DLG2: variants seen among roughly 807,000 people sequenced by gnomAD.
The protein encoded by DLG2 is disks large homolog 2.
DLG2 carries 45 observed loss-of-function variants against 132.5 expected under a neutral mutation model. The observed-to-expected ratio is 0.34, with a 90% CI of 0.27 to 0.44. The LOEUF (loss-of-function observed/expected upper bound fraction) is 0.44. Ranked by LOEUF, DLG2 falls within the 20% of genes least tolerant of loss-of-function variation. The probability of loss-of-function intolerance (pLI) is 1.00; values close to 1 mark genes in which losing one functional copy is unlikely to be tolerated. For missense variants in DLG2, 1,045 were observed against 1,196.9 expected, an observed-to-expected ratio of 0.87 and a Z score of 1.87; for synonymous variants, 424 against 419.6, an observed-to-expected ratio of 1.01 and a Z score of -0.13.
chr11:84,486,591 T>G (rs1317726899), intron 7 of DLG2, among the ~76,000 whole-genome samples: 3 of 151,960 alleles, frequency 2.0e-5, no homozygotes, highest in Admixed American at 1.3e-4. Context: ...TGTGAAAATC[T>G]GCCTCAAATG....
intron 5 of DLG2, among the ~76,000 whole-genome samples, chr11:85,146,962 G>A (rs150485557): frequency 7.0e-4 from 107 of 152,294 alleles, no homozygotes; most frequent in African/African-American, 2.4e-3. Flanking sequence ...TGTGGACACC[G>A]GTGGAATTTT....
At chr11:84,918,762 T>A (rs2154082310) in intron 6 of DLG2, among the ~76,000 whole-genome samples, 1 of 152,282 alleles carries the variant, frequency 6.6e-6, no homozygotes, top group Non-Finnish European at 1.5e-5. Flanking sequence ...CCTATATGAC[T>A]TCAAAGGCTA....
chr11:84,328,994 T>TC (rs2098446391), intron 7 of DLG2, among the ~76,000 whole-genome samples: 1 of 152,226 alleles, frequency 6.6e-6, no homozygotes, highest in Non-Finnish European at 1.5e-5. Context: ...CAGGTAGAAT[T>TC]CTTGCAGGGC....
At chr11:84,728,485 G>T (rs1345797901) in intron 6 of DLG2, among the ~76,000 whole-genome samples, 1 of 152,062 alleles carries the variant, frequency 6.6e-6, no homozygotes, top group Admixed American at 6.6e-5. Context: ...TGCTGGATTT[G>T]GTTTGCCAGT....
At chr11:84,783,415 T>C (rs2072194211) in intron 6 of DLG2, among the ~76,000 whole-genome samples, 1 of 152,204 alleles carries the variant, frequency 6.6e-6, no homozygotes, top group Non-Finnish European at 1.5e-5. Flanking sequence ...ATCCTTGATC[T>C]TTCTGTGTTC....
At chr11:84,036,011 T>G (rs1372121801) in intron 11 of DLG2, among the ~76,000 whole-genome samples, 2 of 152,162 alleles carry the variant, frequency 1.3e-5, no homozygotes, top group African/African-American at 2.4e-5. Context: ...TTGTATACAT[T>G]AATCTTAAAA....
chr11:84,568,431 C>A (rs960682843), intron 6 of DLG2, among the ~76,000 whole-genome samples: 3 of 152,166 alleles, frequency 2.0e-5, no homozygotes, highest in African/African-American at 7.2e-5. Context: ...TACTTGAACC[C>A]TGGAGGTGGA....
intron 7 of DLG2, among the ~76,000 whole-genome samples, chr11:84,339,442 A>G (rs1184319943): frequency 6.6e-6 from 1 of 152,176 alleles, no homozygotes; most frequent in East Asian, 1.9e-4. Context: ...GATGCAGTGG[A>G]TATTCAACAA....
chr11:84,767,228 CTTATA>C (rs1423722385), intron 6 of DLG2, among the ~76,000 whole-genome samples: 2 of 151,794 alleles, frequency 1.3e-5, no homozygotes, highest in East Asian at 1.9e-4. Context: ...TTAACTGTAT[CTTATA>C]TTAGAATACT....
At chr11:83,598,141 T>C (rs893886016) in intron 19 of DLG2, among the ~76,000 whole-genome samples, 11 of 152,352 alleles carry the variant, frequency 7.2e-5, no homozygotes, top group Non-Finnish European at 1.5e-4. Flanking sequence ...ATATGTGTTT[T>C]GCATGGGCAA....
At chr11:85,598,211 T>A (rs1292523675) in intron 3 of DLG2, among the ~76,000 whole-genome samples, 1 of 152,028 alleles carries the variant, frequency 6.6e-6, no homozygotes, top group Non-Finnish European at 1.5e-5. Flanking sequence ...TGAAAAGATG[T>A]TTTTATTTTT....
At chr11:84,066,541 C>A (rs1454470973) in intron 10 of DLG2, among the ~76,000 whole-genome samples, 1 of 152,138 alleles carries the variant, frequency 6.6e-6, no homozygotes, top group Non-Finnish European at 1.5e-5. Flanking sequence ...GGGTGGATCA[C>A]CTGAGGTCAG....
intron 22 of DLG2, chr11:83,480,733 T>G: frequency 1.0e-6 from 1 of 989,874 alleles, no homozygotes; most frequent in Non-Finnish European, 1.5e-6. Context: ...ACTTTCAAGA[T>G]TTATGTGACA....
At chr11:85,047,760 A>T (rs1215997254) in intron 6 of DLG2, among the ~76,000 whole-genome samples, 1 of 151,948 alleles carries the variant, frequency 6.6e-6, no homozygotes, top group Non-Finnish European at 1.5e-5. Context: ...GTAGGAAAAA[A>T]ACTAAATAAA....
intron 6 of DLG2, among the ~76,000 whole-genome samples, chr11:85,009,800 G>T (rs2058997147): frequency 6.6e-6 from 1 of 152,000 alleles, no homozygotes; most frequent in Non-Finnish European, 1.5e-5. Context: ...GCAGCAATTA[G>T]AGTTTACATA....
At chr11:85,392,248 G>A (rs772706115) in intron 3 of DLG2, among the ~76,000 whole-genome samples, 4 of 151,856 alleles carry the variant, frequency 2.6e-5, no homozygotes, top group Non-Finnish European at 4.4e-5. Flanking sequence ...AAAGACCTCT[G>A]CAAGGAAAAC....
At chr11:85,388,741 G>A (rs1176565523) in intron 3 of DLG2, among the ~76,000 whole-genome samples, 5 of 152,106 alleles carry the variant, frequency 3.3e-5, no homozygotes, top group Non-Finnish European at 7.3e-5. Context: ...AGATCCAGAG[G>A]AGAAATAACA....
At chr11:83,786,986 T>C (rs1300141753) in intron 17 of DLG2, among the ~76,000 whole-genome samples, 194 bp from the exon 18 acceptor site, 1 of 152,168 alleles carries the variant, frequency 6.6e-6, no homozygotes, top group African/African-American at 2.4e-5. Flanking sequence ...AATTTCACCT[T>C]GTGGTGTTTG....
chr11:83,480,670 T>A, intron 22 of DLG2: 1 of 1,523,568 alleles, frequency 6.6e-7, no homozygotes, highest in Non-Finnish European at 8.9e-7. Context: ...AAAAAATGCA[T>A]AATGTCAATT....
Sources: allele counts gnomAD v4.1 joint callset (sites outside exome capture counted in the v4.1 genomes callset), GRCh38; gene constraint gnomAD v4.1.1; transcripts MANE v1.5; gene names NCBI Gene and HGNC (gene_info 2026-07-23, HGNC 2026-07-21).